The following BRSK2 variants were observed in gnomAD, a reference collection of about 807,000 sequenced individuals.
BRSK2 encodes BR serine/threonine kinase 2, also known as serine/threonine-protein kinase BRSK2.
A neutral mutation model predicts 83.3 loss-of-function variants in BRSK2; 19 were observed. The observed-to-expected ratio is 0.23, with a 90% confidence interval of 0.16 to 0.33. BRSK2 has a LOEUF of 0.33. Ranked by LOEUF, BRSK2 falls within the 10% of genes least tolerant of loss-of-function variation. The pLI is 1.00. For missense variants in BRSK2, 798 were observed against 1,042.3 expected, an observed-to-expected ratio of 0.77 and a Z score of 3.23; for synonymous variants, 519 against 435.4, an observed-to-expected ratio of 1.19 and a Z score of -2.39.
chr11:1,423,369 G>T lies in BRSK2; in HGVS notation c.92-12671G>T, dbSNP rs371931553. Among the ~76,000 whole-genome samples the T allele has an allele frequency of 2.8e-4, 42 of 152,296 alleles. No individual in the cohort carries two copies. The East Asian group carries it at 3.9e-3, about 14-fold the overall frequency. The stretch of plus-strand genomic sequence containing the variant: ...GCAGAGCCTTCAGTTAGGAGCCGAG[G>T]CCTCTGGCCAGGTTCAGGCACGTGG... On this transcript the variant is annotated intron_variant, in intron 1 of 19. Transcript: ENST00000528841. The surrounding 1 kb of genome is among the most constrained non-coding windows in gnomAD (Gnocchi z 6.5).
At position 1,400,224 on chromosome 11, in the gene BRSK2, C is replaced by T. The variant is rs527669858; in HGVS notation, c.91+9849C>T. On this transcript the variant is annotated intron_variant, in intron 1 of 19. Coordinates refer to ENST00000528841, the MANE Select transcript of BRSK2 (RefSeq NM_001256627.2). ...GCAGGCGCTGGGCTCTGCGTGGGGC[C>T]GTGGACTCAGTCTCCCGCCCCCTCC... 1.4e-4 allele frequency among the ~76,000 whole-genome samples: 22 copies of T among 152,296 alleles called. No individual in the cohort carries two copies. The East Asian group carries it at 2.1e-3, about 15-fold the overall frequency.
intron 1 of BRSK2, among the ~76,000 whole-genome samples, chr11:1,412,771 G>A (rs892482625): frequency 2.0e-5 from 3 of 149,718 alleles, no homozygotes; most frequent in Non-Finnish European, 2.9e-5. Flanking sequence ...GGGCAACGGT[G>A]CCCTGGCTGC....
At chr11:1,410,582 C>G in intron 1 of BRSK2, 1 of 985,444 alleles carries the variant, frequency 1.0e-6, no homozygotes, top group Non-Finnish European at 1.2e-6. Flanking sequence ...CTCTGGTCCC[C>G]GGGAGTGGAC....
chr11:1,398,154 G>A (rs1846239193), intron 1 of BRSK2, among the ~76,000 whole-genome samples: 2 of 152,192 alleles, frequency 1.3e-5, no homozygotes, highest in Non-Finnish European at 2.9e-5. Context: ...GAGCCCCCGG[G>A]GAACCCTTTG....
intron 19 of BRSK2, among the ~76,000 whole-genome samples, chr11:1,459,901 C>T (rs116913469): frequency 0.07 from 10,634 of 152,268 alleles, 476 homozygotes; most frequent in Non-Finnish European, 0.098. Flanking sequence ...GGCCAGGGGT[C>T]GGGCTTCAGG....
chr11:1,395,869 G>T (rs911628648), intron 1 of BRSK2, among the ~76,000 whole-genome samples: 1 of 152,178 alleles, frequency 6.6e-6, no homozygotes, highest in Non-Finnish European at 1.5e-5. Flanking sequence ...CTGCTGCCCC[G>T]CCTGCTCCAC....
Position 1,426,077 on chromosome 11 carries a change from G to A in BRSK2, c.92-9963G>A, listed in dbSNP as rs556128354. Reference sequence around the variant, plus strand: ...GGCTGGCCCCTGGCTCCTAGCCTGTGCGCGCCCATTCAGGAAAGCAAACAC... The same window carrying A: ...GGCTGGCCCCTGGCTCCTAGCCTGTACGCGCCCATTCAGGAAAGCAAACAC... On this transcript the variant is annotated intron_variant, in intron 1 of 19. Coordinates refer to ENST00000528841, the MANE Select transcript of BRSK2 (RefSeq NM_001256627.2). Among the ~76,000 whole-genome samples, 3 of 152,346 alleles carry A rather than the reference G, an allele frequency of 2.0e-5. No individual in the cohort carries two copies. In the South Asian group the frequency reaches 6.2e-4, roughly 32 times the overall value.
In BRSK2 at chr11:1,450,815, G is replaced by A. The variant is rs549953531; in HGVS notation, c.1495+21G>A. On this transcript the variant is annotated intron_variant, in intron 14 of 19. Transcript: ENST00000528841. ...GCAAGGTGAGTGTCTGCCCGGAGGC[G>A]CCAGAGTGGGGCTGGGAGAGAGCAG... 1.0e-4 allele frequency: 159 copies of A among 1,577,552 alleles called. 1 individual carries two copies. The highest frequency in any genetic ancestry group is 3.2e-4 in the South Asian group (28 of 86,570).
At position 1,423,880 on chromosome 11, in the gene BRSK2, C is replaced by A. The variant is rs963998268; in HGVS notation, c.92-12160C>A. ...CCCTGGGCCTGCAGAAGTGCTCCCC[C>A]ACCCCCATCTTGCTTTCACCCTCAC... is the stretch of plus-strand genomic sequence containing the variant. On this transcript the variant is annotated intron_variant, in intron 1 of 19. Coordinates refer to ENST00000528841, the MANE Select transcript of BRSK2 (RefSeq NM_001256627.2). This position sits in a 1 kb window ranked among gnomAD's most constrained non-coding sequence, Gnocchi z 6.5. 6.6e-6 allele frequency among the ~76,000 whole-genome samples: 1 copy of A among 152,088 alleles called. No individual in the cohort carries two copies. Among genetic ancestry groups the A allele is most frequent in the African/African-American group, 2.4e-5 (1 of 41,414 alleles).
At chr11:1,391,360 G>A (rs533166337) in intron 1 of BRSK2, among the ~76,000 whole-genome samples, 1 of 152,348 alleles carries the variant, frequency 6.6e-6, no homozygotes, top group Non-Finnish European at 1.5e-5. Context: ...AGGGGTGGAG[G>A]GAAGGAGGAG....
intron 14 of BRSK2, 23 bp from the exon 15 acceptor site, chr11:1,451,348 T>C: frequency 1.2e-6 from 2 of 1,612,786 alleles, no homozygotes; most frequent in East Asian, 4.5e-5. Flanking sequence ...ACGCCTTTCC[T>C]CCTGTTCATC....
At chr11:1,455,145 T>G (rs1846330442) in intron 16 of BRSK2, among the ~76,000 whole-genome samples, 1 of 152,156 alleles carries the variant, frequency 6.6e-6, no homozygotes, top group Admixed American at 6.5e-5. Context: ...TTGTCTTTGC[T>G]GGGCATCTTT....
At chr11:1,429,112 T>A (rs1257910838) in intron 1 of BRSK2, among the ~76,000 whole-genome samples, 1 of 139,758 alleles carries the variant, frequency 7.2e-6, no homozygotes, top group African/African-American at 2.7e-5. Flanking sequence ...GCACTCGGTG[T>A]GTGGGTGTGT....
chr11:1,446,035 A>T (rs1050260328), intron 12 of BRSK2, 128 bp downstream of exon 12: 18 of 1,234,878 alleles, frequency 1.5e-5, no homozygotes, highest in Non-Finnish European at 1.8e-5. Flanking sequence ...TGTATGGGCT[A>T]AACTGGGCTT....
chr11:1,427,948 G>A (rs769482552), intron 1 of BRSK2, among the ~76,000 whole-genome samples: 1 of 152,226 alleles, frequency 6.6e-6, no homozygotes, highest in Non-Finnish European at 1.5e-5. Context: ...AGGGATACCA[G>A]GACGCAGAGG....
At chr11:1,428,371 T>G (rs1229707471) in intron 1 of BRSK2, among the ~76,000 whole-genome samples, 1 of 152,198 alleles carries the variant, frequency 6.6e-6, no homozygotes, top group Non-Finnish European at 1.5e-5. Flanking sequence ...CGTAACCTCC[T>G]CTGGGAAGGT....
At chr11:1,448,542 C>A (rs1852517889) in intron 12 of BRSK2, among the ~76,000 whole-genome samples, 1 of 152,222 alleles carries the variant, frequency 6.6e-6, no homozygotes, top group Non-Finnish European at 1.5e-5. Context: ...TCGGCCCCTC[C>A]ACCCCGGGGT....
chr11:1,456,906 C>T, intron 18 of BRSK2: 1 of 1,576,616 alleles, frequency 6.3e-7, no homozygotes, highest in Non-Finnish European at 8.6e-7. Flanking sequence ...ACGCCAGGGA[C>T]ATAGGGCGCA....
intron 1 of BRSK2, among the ~76,000 whole-genome samples, chr11:1,419,689 C>T (rs1848462522): frequency 6.6e-6 from 1 of 152,188 alleles, no homozygotes; most frequent in Admixed American, 6.5e-5. Context: ...GGCGGGGCCT[C>T]ACTTGAGGTC....
Sources: gnomAD v4.1 joint callset for allele counts (sites outside exome capture counted in the v4.1 genomes callset) on GRCh38, gnomAD v4.1.1 for gene constraint, Gnocchi (gnomAD v3.1) non-coding constraint, MANE v1.5 for transcripts, NCBI Gene and HGNC (gene_info 2026-07-23, HGNC 2026-07-21) for gene names.